Variants in ATP13A5 observed in about 807,000 individuals in gnomAD.
ATP13A5 encodes probable cation-transporting ATPase 13A5.
A neutral mutation model predicts 150.2 loss-of-function variants in ATP13A5; 149 were observed. The observed-to-expected ratio is 0.99, with a 90% CI of 0.87 to 1.14. ATP13A5 has a LOEUF of 1.14. Among genes scored for constraint, ATP13A5 ranks in the 50% most tolerant of loss-of-function variants. The pLI is 0.00. For missense variants in ATP13A5, 1,383 were observed against 1,449.3 expected (o/e 0.95, Z 0.74); for synonymous variants, 497 against 522.2 (o/e 0.95, Z 0.66).
chr3:193,278,500 T>A (rs1286167842), intron 28 of ATP13A5, among the ~76,000 whole-genome samples: 1 of 152,210 alleles, frequency 6.6e-6, no homozygotes, highest in African/African-American at 2.4e-5. Context: ...AAGCCTTGCT[T>A]TTGATTTCTG....
chr3:193,317,851 G>A (rs1478323264), intron 17 of ATP13A5, among the ~76,000 whole-genome samples: 5 of 152,202 alleles, frequency 3.3e-5, no homozygotes, highest in South Asian at 2.1e-4. Context: ...ACACAGCTGC[G>A]TTTGTATGTG....
intron 17 of ATP13A5, 87 bp from the exon 18 acceptor site, chr3:193,315,183 T>G: frequency 7.4e-7 from 1 of 1,353,310 alleles, no homozygotes; most frequent in Non-Finnish European, 1.0e-6. Context: ...AATTTATAAG[T>G]TTTATTAATG....
At chr3:193,373,769 A>G (rs4687416) in intron 1 of ATP13A5, among the ~76,000 whole-genome samples, 146,306 of 152,238 alleles carry the variant, frequency 0.96, 70,334 homozygotes, top group African/African-American at 0.98. Flanking sequence ...CAACCACATG[A>G]TTAGCAGCTG....
intron 7 of ATP13A5, among the ~76,000 whole-genome samples, chr3:193,347,930 G>A (rs182502996): frequency 3.9e-5 from 6 of 152,212 alleles, no homozygotes; most frequent in East Asian, 1.9e-4. Flanking sequence ...GGCCTCCCTC[G>A]TGAGTCAGGC....
At chr3:193,332,744 AAC>A (rs1451770465) in intron 11 of ATP13A5, among the ~76,000 whole-genome samples, 1 of 152,152 alleles carries the variant, frequency 6.6e-6, no homozygotes, top group Non-Finnish European at 1.5e-5. Flanking sequence ...AGAGGCAGCC[AAC>A]AGAGCCACAG....
rs1238138337 is a variant in ATP13A5 at position 193,279,355 on chromosome 3, A to G, written c.3315+11T>C. The G allele has an allele frequency of 1.2e-6, 2 of 1,605,706 alleles. No homozygotes were observed. The highest frequency in any genetic ancestry group is 4.5e-5 in the East Asian group (2 of 44,796). On this transcript the variant is annotated intron_variant, in intron 28 of 29. Coordinates refer to ENST00000342358, the MANE Select transcript of ATP13A5 (RefSeq NM_198505.4). ...TGAGTCATGCCAGATGTGCAAATGA[A>G]TGCCACTTACCTCCATTCCACGGTA...
At chr3:193,372,635 C>T (rs957191109) in intron 1 of ATP13A5, among the ~76,000 whole-genome samples, 2 of 152,092 alleles carry the variant, frequency 1.3e-5, no homozygotes, top group African/African-American at 4.8e-5. Flanking sequence ...TAAGGCATTC[C>T]AGGGCTAATT....
In ATP13A5 at chr3:193,279,432, T is replaced by C; in HGVS notation, c.3249A>G (p.Leu1083=). ...YTNYIFSFLL[L]AALGLTIFIL... Reference sequence around the variant, plus strand: ...TGAAAATTGTGAGGCCCAAGGCAGCTAGCAGCAGAAATGAAAATATATCTG... The same window carrying C: ...TGAAAATTGTGAGGCCCAAGGCAGCCAGCAGCAGAAATGAAAATATATCTG... The change falls in exon 28 of 30, where the codon CTA becomes CTG. Residue 1083 remains leucine, a synonymous_variant. Transcript: ENST00000342358. 1 of 1,613,784 alleles carries C rather than the reference T, an allele frequency of 6.2e-7. No individual in the cohort carries two copies. The highest frequency in any genetic ancestry group is 1.1e-5 in the South Asian group (1 of 91,076).
chr3:193,324,653 C>T (rs2108866044), intron 14 of ATP13A5, among the ~76,000 whole-genome samples: 1 of 152,236 alleles, frequency 6.6e-6, no homozygotes, highest in Non-Finnish European at 1.5e-5. Context: ...ACAACAGTTC[C>T]CAAGTTTGTT....
At chr3:193,341,239 G>A (rs1169149971) in intron 9 of ATP13A5, among the ~76,000 whole-genome samples, 2 of 150,926 alleles carry the variant, frequency 1.3e-5, no homozygotes, top group African/African-American at 4.9e-5. Flanking sequence ...TCTTGAAGTT[G>A]ATTATTGTTT....
At chr3:193,321,447 A>T (rs911107655) in intron 16 of ATP13A5, among the ~76,000 whole-genome samples, 2 of 152,100 alleles carry the variant, frequency 1.3e-5, no homozygotes, top group Admixed American at 6.6e-5. Context: ...CCTGGCCTAC[A>T]TGGTGAAACC....
intron 7 of ATP13A5, among the ~76,000 whole-genome samples, chr3:193,346,508 G>T (rs1415583629): frequency 6.6e-6 from 1 of 152,106 alleles, no homozygotes; most frequent in African/African-American, 2.4e-5. Context: ...TTTGGATGTC[G>T]GTGACTTGGA....
intron 5 of ATP13A5, among the ~76,000 whole-genome samples, chr3:193,359,368 C>A (rs898562210): frequency 6.6e-6 from 1 of 152,152 alleles, no homozygotes; most frequent in African/African-American, 2.4e-5. Flanking sequence ...GGTCTCACAG[C>A]AGCCTCTCTC....
chr3:193,344,159 C>T, intron 8 of ATP13A5, 104 bp from the exon 9 acceptor site: 4 of 1,413,734 alleles, frequency 2.8e-6, no homozygotes, highest in Non-Finnish European at 3.8e-6. Context: ...AAGAGCTACC[C>T]TACCTGTTCA....
intron 12 of ATP13A5, among the ~76,000 whole-genome samples, chr3:193,330,205 A>C (rs547405134): frequency 2.6e-4 from 40 of 152,298 alleles, no homozygotes; most frequent in African/African-American, 9.4e-4. Context: ...GTGGCAGGTA[A>C]CTGTGCCCCG....
At position 193,283,943 on chromosome 3, in the gene ATP13A5, C is replaced by A. The variant is rs191197746; in HGVS notation, c.3226+971G>T. 3.5e-3 allele frequency among the ~76,000 whole-genome samples: 526 copies of A among 150,678 alleles called. 2 individuals are homozygous for A. Among genetic ancestry groups the A allele is most frequent in the South Asian group, 9.0e-3 (42 of 4,674 alleles). On this transcript the variant is annotated intron_variant, in intron 27 of 29. Transcript: ENST00000342358. The stretch of plus-strand genomic sequence containing the variant: ...ATTATTAATAGTGTCTCACTTCACT[C>A]CTAAAGAGTGTCCCAGTCTGATCAG...
chr3:193,320,788 A>G (rs961836709), intron 16 of ATP13A5, among the ~76,000 whole-genome samples: 1 of 152,234 alleles, frequency 6.6e-6, no homozygotes, highest in African/African-American at 2.4e-5. Context: ...ACTCATTTGA[A>G]TGCAACAACA....
intron 8 of ATP13A5, 33 bp from the exon 9 acceptor site, chr3:193,344,088 AC>A: frequency 1.2e-6 from 2 of 1,603,838 alleles, no homozygotes; most frequent in Non-Finnish European, 1.7e-6. Context: ...TGAATAGCTG[AC>A]CTTTTCCTGT....
chr3:193,360,650 T>C (rs1042018785), intron 5 of ATP13A5, among the ~76,000 whole-genome samples: 1 of 152,216 alleles, frequency 6.6e-6, no homozygotes, highest in African/African-American at 2.4e-5. Flanking sequence ...TTGTCTTGCT[T>C]ATTAGATTGT....
Sources: gnomAD v4.1 joint callset for allele counts (sites outside exome capture counted in the v4.1 genomes callset) on GRCh38, gnomAD v4.1.1 for gene constraint, MANE v1.5 for transcripts, NCBI Gene and HGNC (gene_info 2026-07-23, HGNC 2026-07-21) for gene names.